GTF3C3: variants seen among roughly 807,000 people sequenced by gnomAD.
GTF3C3 encodes the protein general transcription factor 3C polypeptide 3.
Under a neutral mutation model 105.2 loss-of-function variants are expected in GTF3C3, and 75 were observed. That is an observed-to-expected ratio of 0.71 (90% CI 0.59 to 0.86). The LOEUF (loss-of-function observed/expected upper bound fraction) is 0.86. Among genes scored for constraint, GTF3C3 ranks in the 40% least tolerant of loss-of-function variants. GTF3C3 has a pLI of 0.00. For missense variants in GTF3C3, 856 were observed against 1,076.5 expected (o/e 0.80, Z 2.87); for synonymous variants, 335 against 370.4 (o/e 0.90, Z 1.10).
intron 9 of GTF3C3, among the ~76,000 whole-genome samples, chr2:196,779,870 A>G (rs566378000): frequency 2.7e-4 from 41 of 152,044 alleles, no homozygotes; most frequent in African/African-American, 9.4e-4. Context: ...TTGTAGGCGT[A>G]GGGTTTCACC....
At chr2:196,782,366 G>A (rs560152477) in intron 8 of GTF3C3, among the ~76,000 whole-genome samples, 32 of 152,208 alleles carry the variant, frequency 2.1e-4, no homozygotes, top group African/African-American at 6.5e-4. Context: ...GAGTCCAAAC[G>A]GACTAAGACA....
In GTF3C3 at chr2:196,764,405, C is replaced by A; in HGVS notation, c.*158G>T. 2 of 643,144 alleles carry A rather than the reference C, an allele frequency of 3.1e-6. No individual in the cohort carries two copies. The highest frequency in any genetic ancestry group is 3.8e-5 in the South Asian group (1 of 26,002). 39.8% of individuals were successfully genotyped at this position (643,144 alleles called of 1,614,324 possible). ...TGTAGGAATAATTTTGCATATATAC[C>A]ACAAGATCATTATCACATATTAAAA... On this transcript the variant is annotated 3_prime_UTR_variant, in exon 18 of 18. Transcript: ENST00000263956.
At chr2:196,795,832 GA>G (rs901041381) in intron 2 of GTF3C3, among the ~76,000 whole-genome samples, 6 of 151,970 alleles carry the variant, frequency 3.9e-5, no homozygotes, top group African/African-American at 1.4e-4. Context: ...AGATGGCAAG[GA>G]AAAAATAAAA....
intron 12 of GTF3C3, among the ~76,000 whole-genome samples, chr2:196,775,735 T>C (rs1699248907): frequency 6.6e-6 from 1 of 152,192 alleles, no homozygotes; most frequent in Non-Finnish European, 1.5e-5. Flanking sequence ...AAGTGAGTAA[T>C]TTTGGCACAT....
intron 7 of GTF3C3, 31 bp from the exon 8 acceptor site, chr2:196,784,960 A>C (rs1699429946): frequency 3.5e-6 from 5 of 1,422,348 alleles, no homozygotes; most frequent in Non-Finnish European, 4.9e-6. Context: ...AAAGGAAATA[A>C]AATATGTGTG....
In GTF3C3 at chr2:196,779,054, G is replaced by A; in HGVS notation, c.1232C>T (p.Thr411Ile). 6.2e-7 allele frequency: 1 copy of A among 1,612,868 alleles called. No individual in the cohort carries two copies. Among genetic ancestry groups the A allele is most frequent in the Non-Finnish European group, 8.5e-7 (1 of 1,179,322 alleles). The change falls in exon 10 of 18, where the codon ACA becomes ATA. Residue 411 changes from threonine (T) to isoleucine (I), a missense_variant. Thr to Ile is a moderately conservative substitution (Grantham distance 89). Around this residue, in one of 3 missense-constraint regions of GTF3C3, gnomAD observed 605 missense variants for 833.6 expected, o/e 0.73. Transcript: ENST00000263956. ...ILEPLNPLLT[T>I]LVEQNPEDMG... Reference sequence around the variant, plus strand: ...ATCTTCAGGATTCTGTTCTACTAGTGTTGTCAAGAGAGGCTAGACCACAAA... The same window carrying A: ...ATCTTCAGGATTCTGTTCTACTAGTATTGTCAAGAGAGGCTAGACCACAAA...
chr2:196,765,154 G>A (rs1699039411), intron 17 of GTF3C3, among the ~76,000 whole-genome samples: 1 of 152,060 alleles, frequency 6.6e-6, no homozygotes, highest in Admixed American at 6.6e-5. Flanking sequence ...ATCACGGAAA[G>A]GCATATAAAG....
chr2:196,787,718 T>C (rs528498298), intron 6 of GTF3C3, among the ~76,000 whole-genome samples: 2 of 152,332 alleles, frequency 1.3e-5, no homozygotes, highest in Admixed American at 6.5e-5. Flanking sequence ...GTACTATATA[T>C]TTAGCTGTTT....
At chr2:196,791,891 C>G (rs1699555778) in intron 3 of GTF3C3, 1 of 152,720 alleles carries the variant, frequency 6.5e-6, no homozygotes, top group Non-Finnish European at 1.4e-5. Context: ...GAGCCAAGAT[C>G]ACGCCACTGC....
intron 16 of GTF3C3, 103 bp downstream of exon 16, chr2:196,769,812 A>G (rs1428710914): frequency 4.5e-6 from 4 of 898,804 alleles, no homozygotes; most frequent in Non-Finnish European, 6.9e-6. Flanking sequence ...GTGTACTGAG[A>G]GCATTGTGTA....
At chr2:196,787,358 A>G (rs1281399260) in intron 6 of GTF3C3, among the ~76,000 whole-genome samples, 1 of 152,112 alleles carries the variant, frequency 6.6e-6, no homozygotes, top group Non-Finnish European at 1.5e-5. Context: ...TTTCTACTCA[A>G]AATCTTCCAG....
In GTF3C3 at chr2:196,769,908, G is replaced by T; in HGVS notation, c.2385+7C>A. Reference sequence around the variant, plus strand: ...AAATCAAGTAACGAGAAATTTGAATGAATTACCTGTACAATAAGAGCATGT... The same window carrying T: ...AAATCAAGTAACGAGAAATTTGAATTAATTACCTGTACAATAAGAGCATGT... On this transcript the variant is annotated splice_region_variant and intron_variant, in intron 16 of 17. Transcript: ENST00000263956. 2 of 1,601,296 alleles carry T rather than the reference G, an allele frequency of 1.2e-6. No individual in the cohort carries two copies. Among genetic ancestry groups the T allele is most frequent in the Non-Finnish European group, 1.7e-6 (2 of 1,171,596 alleles).
Position 196,775,316 on chromosome 2 carries a change from T to C in GTF3C3, c.1696-65A>G. 3 of 1,453,378 alleles carry C rather than the reference T, an allele frequency of 2.1e-6. No homozygotes were observed. In the African/African-American group the frequency reaches 4.3e-5, roughly 21 times the overall value. 90.0% of individuals were successfully genotyped at this position (1,453,378 alleles called of 1,614,324 possible). Reference sequence around the variant, plus strand: ...ACTGTTTTGTTTAGAGACAAAGTCTTGTTATGTTGGCTCAGGCTGGATTTG... The same window carrying C: ...ACTGTTTTGTTTAGAGACAAAGTCTCGTTATGTTGGCTCAGGCTGGATTTG... On this transcript the variant is annotated intron_variant, in intron 12 of 17. Transcript: ENST00000263956.
chr2:196,782,459 C>A (rs1699383375), intron 8 of GTF3C3, among the ~76,000 whole-genome samples: 1 of 152,114 alleles, frequency 6.6e-6, no homozygotes, highest in Non-Finnish European at 1.5e-5. Flanking sequence ...TCGGCATAGG[C>A]CTTAAAAATA....
In GTF3C3 at chr2:196,793,128, T is replaced by C; in HGVS notation, c.239A>G (p.Lys80Arg). 1 of 1,612,326 alleles carries C rather than the reference T, an allele frequency of 6.2e-7. No individual in the cohort carries two copies. ...NEGETSDGVR[K>R]SVHKVFASML... ...GGAAGCAAAGACCTTGTGAACTGAC[T>C]TCCTCACTCCATCTGATGTTTCTCC... The change falls in exon 3 of 18, where the codon AAG (lysine) becomes AGG (arginine). Residue 80 changes from lysine (K) to arginine (R), a missense_variant. Physicochemically the swap from Lys to Arg is conservative, Grantham distance 26 (BLOSUM62 2). Transcript: ENST00000263956.
chr2:196,781,357 AATATATATATATATAT>A (rs1553578901), intron 8 of GTF3C3, among the ~76,000 whole-genome samples: 1 of 18,812 alleles, frequency 5.3e-5, no homozygotes, highest in Non-Finnish European at 1.5e-4. Flanking sequence ...AAAAAAAAAA[AATATATATATATATAT>A]ATATATATAT....
intron 14 of GTF3C3, among the ~76,000 whole-genome samples, chr2:196,772,300 G>A (rs1576018862): frequency 6.6e-6 from 1 of 152,200 alleles, no homozygotes; most frequent in East Asian, 1.9e-4. Context: ...GCTCACGCCT[G>A]TAATCCCAGC....
At chr2:196,780,536 CA>C in intron 9 of GTF3C3, 22 bp downstream of exon 9, 1 of 1,605,922 alleles carries the variant, frequency 6.2e-7, no homozygotes, top group Non-Finnish European at 8.5e-7. Context: ...TGAAGTATCT[CA>C]AGTGCAGATC....
At position 196,779,048 on chromosome 2, in the gene GTF3C3, A is replaced by T. The variant is rs1559300587; in HGVS notation, c.1238T>A (p.Val413Glu). 6.2e-7 allele frequency: 1 copy of T among 1,613,614 alleles called. No homozygotes were observed. The change falls in exon 10 of 18, where the codon GTA becomes GAA. Residue 413 changes from valine (V) to glutamate (E), a missense_variant. By Grantham distance (121) the Val-to-Glu change is moderately radical. Around this residue, in one of 3 missense-constraint regions of GTF3C3, gnomAD observed 605 missense variants for 833.6 expected, o/e 0.73. Transcript: ENST00000263956. ...EPLNPLLTTL[V>E]EQNPEDMGDL... is the part of the protein sequence containing the mutation. ...TCCCATATCTTCAGGATTCTGTTCT[A>T]CTAGTGTTGTCAAGAGAGGCTAGAC...
Sources: gnomAD v4.1 joint callset for allele counts (sites outside exome capture counted in the v4.1 genomes callset) on GRCh38, gnomAD v4.1.1 for gene constraint, gnomAD v4.1.1 regional missense constraint, MANE v1.5 for transcripts, NCBI Gene and HGNC (gene_info 2026-07-23, HGNC 2026-07-21) for gene names.